Variants in MCM8 observed in about 807,000 individuals in gnomAD.
The protein encoded by MCM8 is DNA helicase MCM8.
MCM8 carries 85 observed loss-of-function variants against 98.9 expected under a neutral mutation model. That is an observed-to-expected ratio of 0.86 (90% CI 0.72 to 1.03). The LOEUF is 1.03. Ranked by LOEUF, MCM8 falls within the 50% of genes least tolerant of loss-of-function variation. MCM8 has a pLI of 0.00. For synonymous variants in MCM8, 352 were observed against 338.6 expected, an observed-to-expected ratio of 1.04 and a Z score of -0.44; for missense variants, 951 against 997.8, an observed-to-expected ratio of 0.95 and a Z score of 0.63.
chr20:5,987,326 C>T lies in MCM8; in HGVS notation c.2208C>T (p.Asp736=), dbSNP rs34887921. The part of the protein sequence containing the change: ...LELREEATKE[D]AEDIVEIMKY... ...TGAGAGAGGAAGCAACCAAAGAAGA[C>T]GCTGAGGATATAGTGGAAATTATGA... is the stretch of plus-strand genomic sequence containing the variant. Residue 736 remains aspartate (D), a synonymous_variant, in exon 17 of 19, where the codon GAC becomes GAT. Coordinates refer to ENST00000610722, the MANE Select transcript of MCM8 (RefSeq NM_032485.6). The T allele has an allele frequency of 9.0e-4, 1,445 of 1,612,626 alleles. 10 individuals carry two copies. The African/African-American group carries it at 0.014, about 16-fold the overall frequency.
Position 5,958,739 on chromosome 20 carries a change from T to A in MCM8, c.789+13T>A, listed in dbSNP as rs766260914. ...TCTTCCCACAAAGGTAATACGTTCT[T>A]TAACTGCTTCTTTATTTATCTTGGT... On this transcript the variant is annotated intron_variant, in intron 7 of 18. Transcript: ENST00000610722. The A allele has an allele frequency of 6.2e-6, 10 of 1,608,462 alleles. No homozygotes were observed. Among genetic ancestry groups the A allele is most frequent in the Non-Finnish European group, 7.7e-6 (9 of 1,176,244 alleles).
chr20:5,986,030 G>A lies in MCM8; in HGVS notation c.2062G>A (p.Val688Ile). 1 of 1,614,212 alleles carries A rather than the reference G, an allele frequency of 6.2e-7. No individual in the cohort carries two copies. Among genetic ancestry groups the A allele is most frequent in the South Asian group, 1.1e-5 (1 of 91,088 alleles). ...YPRLSTEAAR[V>I]LQDFYLELRK... ...AAGGCTATCCACAGAAGCTGCTCGAGTTCTTCAAGATTTTTACCTTGAGCT... is the reference window on the plus strand; with the variant it reads ...AAGGCTATCCACAGAAGCTGCTCGAATTCTTCAAGATTTTTACCTTGAGCT... The change falls in exon 16 of 19, where the codon GTT becomes ATT. Residue 688 changes from valine (V) to isoleucine (I), a missense_variant. By Grantham distance (29) the Val-to-Ile change is conservative. Transcript: ENST00000610722.
chr20:5,977,977 T>C lies in MCM8; in HGVS notation c.1497T>C (p.Asp499=), dbSNP rs762593898. ...VTLSKDSSSG[D]FALEAGALVL... ...TTTCAAAAGATAGTTCCTCTGGAGATTTTGCTTTGGAAGCTGGTGCCCTGG... is the reference window on the plus strand; with the variant it reads ...TTTCAAAAGATAGTTCCTCTGGAGACTTTGCTTTGGAAGCTGGTGCCCTGG... The change falls in exon 13 of 19, where the codon GAT becomes GAC. Residue 499 remains aspartate (D), a synonymous_variant. Transcript: ENST00000610722. The C allele has an allele frequency of 8.1e-6, 13 of 1,614,088 alleles. No individual in the cohort carries two copies. The Admixed American group carries it at 1.5e-4, about 19-fold the overall frequency.
intron 14 of MCM8, 39 bp downstream of exon 14, chr20:5,983,204 ATCACT>A: frequency 6.7e-7 from 1 of 1,499,482 alleles, no homozygotes; most frequent in Non-Finnish European, 9.1e-7. Context: ...AATGTATTGA[ATCACT>A]TTAATTCAAT....
chr20:5,987,704 C>T (rs567013225), intron 17 of MCM8, among the ~76,000 whole-genome samples: 8 of 152,240 alleles, frequency 5.3e-5, no homozygotes, highest in African/African-American at 1.9e-4. Context: ...ACAATATATC[C>T]AGAGATCTTT....
chr20:5,958,525 T>G lies in MCM8; in HGVS notation c.591-3T>G, dbSNP rs780969582. ...TGTTCATTACTTCCTGTTTTGTCTT[T>G]AGGGTGTACAACTATGAGCCTTTGA... On this transcript the variant is annotated splice_polypyrimidine_tract_variant and splice_region_variant and intron_variant, in intron 6 of 18. Transcript: ENST00000610722. 4 of 1,612,166 alleles carry G rather than the reference T, an allele frequency of 2.5e-6. No homozygotes were observed. Among genetic ancestry groups the G allele is most frequent in the Non-Finnish European group, 2.5e-6 (3 of 1,178,860 alleles).
At chr20:5,992,989 A>C (rs777293954) in intron 17 of MCM8, among the ~76,000 whole-genome samples, 1 of 152,180 alleles carries the variant, frequency 6.6e-6, no homozygotes, top group Non-Finnish European at 1.5e-5. Context: ...TATTGTGAAA[A>C]TTAGAGAAAG....
In MCM8 at chr20:5,971,563, GA is replaced by G. The variant is rs534786965; in HGVS notation, c.1224-437del. The stretch of plus-strand genomic sequence containing the variant: ...TTAATTTGACCTTTTGACTTGAACT[GA>G]AAAAAATGAAATTTTATCCCATCTT... On this transcript the variant is annotated intron_variant, in intron 10 of 18. Coordinates refer to ENST00000610722, the MANE Select transcript of MCM8 (RefSeq NM_032485.6). Among the ~76,000 whole-genome samples the G allele has an allele frequency of 7.1e-3, 1,077 of 152,200 alleles. 12 individuals are homozygous for G. Among genetic ancestry groups the G allele is most frequent in the African/African-American group, 0.024 (993 of 41,528 alleles).
intron 3 of MCM8, among the ~76,000 whole-genome samples, chr20:5,953,787 T>C (rs1468158219): frequency 6.6e-6 from 1 of 151,842 alleles, no homozygotes; most frequent in Admixed American, 6.6e-5. Flanking sequence ...ACTTTTTTTT[T>C]TTAGGAAAAC....
intron 11 of MCM8, chr20:5,972,797 G>A (rs1423531413): frequency 1.1e-5 from 16 of 1,421,390 alleles, no homozygotes; most frequent in East Asian, 6.3e-5. Context: ...TCTCGTTTTT[G>A]TGGAATGGAT....
chr20:5,982,250 A>G (rs2089644352), intron 13 of MCM8, among the ~76,000 whole-genome samples: 1 of 152,172 alleles, frequency 6.6e-6, no homozygotes, highest in African/African-American at 2.4e-5. Context: ...ACTAATCAGC[A>G]GTTATTTTCC....
chr20:5,983,309 C>T (rs530612277), intron 14 of MCM8, 144 bp downstream of exon 14: 130 of 680,532 alleles, frequency 1.9e-4, no homozygotes, highest in Non-Finnish European at 2.7e-4. Flanking sequence ...CAAAAATGTG[C>T]TTAAACACTG....
chr20:5,980,658 G>C (rs1398957312), intron 13 of MCM8, among the ~76,000 whole-genome samples: 1 of 152,090 alleles, frequency 6.6e-6, no homozygotes, highest in African/African-American at 2.4e-5. Context: ...GAGCACTTGA[G>C]ACCAGGAGTT....
rs2089550228 is a variant in MCM8, at chr20:5,978,016, A to G, written c.1536A>G (p.Gln512=). Residue 512 remains glutamine, a splice_region_variant and synonymous_variant, in exon 13 of 19, where the codon CAA becomes CAG. Transcript: ENST00000610722. ...CTGGTGCCCTGGTACTTGGTGATCAAGGTGAGAGGCCAAAGGGAATAATTA... is the reference window on the plus strand; with the variant it reads ...CTGGTGCCCTGGTACTTGGTGATCAGGGTGAGAGGCCAAAGGGAATAATTA... ...LEAGALVLGD[Q]GICGIDEFDK... The G allele has an allele frequency of 6.2e-7, 1 of 1,614,218 alleles. No homozygotes were observed. The highest frequency in any genetic ancestry group is 8.5e-7 in the Non-Finnish European group (1 of 1,180,030).
At chr20:5,987,758 G>A (rs2089762616) in intron 17 of MCM8, among the ~76,000 whole-genome samples, 2 of 151,966 alleles carry the variant, frequency 1.3e-5, no homozygotes, top group Non-Finnish European at 2.9e-5. Flanking sequence ...ATTCTATTGT[G>A]TAGATATACT....
At chr20:5,960,036 A>G (rs1245076078) in intron 7 of MCM8, among the ~76,000 whole-genome samples, 1 of 152,086 alleles carries the variant, frequency 6.6e-6, no homozygotes, top group Non-Finnish European at 1.5e-5. Flanking sequence ...TATTGTTCCC[A>G]ACTTAAATCT....
intron 12 of MCM8, among the ~76,000 whole-genome samples, chr20:5,975,151 C>A (rs891670486): frequency 1.3e-5 from 2 of 152,058 alleles, no homozygotes; most frequent in African/African-American, 4.8e-5. Context: ...CCCTGCTACT[C>A]CGGAGGCTGC....
At chr20:5,963,751 T>C (rs2089209897) in intron 8 of MCM8, among the ~76,000 whole-genome samples, 1 of 152,102 alleles carries the variant, frequency 6.6e-6, no homozygotes, top group Admixed American at 6.5e-5. Flanking sequence ...TTAGCCAGGA[T>C]GGTCTTGATT....
At chr20:5,990,114 C>T (rs1324863460) in intron 17 of MCM8, among the ~76,000 whole-genome samples, 3 of 151,532 alleles carry the variant, frequency 2.0e-5, no homozygotes, top group African/African-American at 7.3e-5. Context: ...ACTCTGTCAT[C>T]CAGGCTGGAG....
Sources: allele counts gnomAD v4.1 joint callset (sites outside exome capture counted in the v4.1 genomes callset), GRCh38; gene constraint gnomAD v4.1.1; transcripts MANE v1.5; gene names NCBI Gene and HGNC (gene_info 2026-07-23, HGNC 2026-07-21).